CFAP61: variants seen among roughly 807,000 people sequenced by gnomAD.
CFAP61 encodes the protein cilia and flagella associated protein 61.
CFAP61 carries 107 observed loss-of-function variants against 135.6 expected under a neutral mutation model. The ratio of observed to expected loss-of-function variants is 0.79; its 90% confidence interval spans 0.67 to 0.93. The LOEUF is 0.93. Ranked by LOEUF, CFAP61 falls within the 40% of genes least tolerant of loss-of-function variation. The pLI, the probability that CFAP61 is intolerant of heterozygous loss-of-function variation, is 0.00. For synonymous variants in CFAP61, 575 were observed against 578.5 expected, an observed-to-expected ratio of 0.99 and a Z score of 0.09; for missense variants, 1,507 against 1,556.2, an observed-to-expected ratio of 0.97 and a Z score of 0.53.
At chr20:20,136,048 T>C (rs1323001905) in intron 8 of CFAP61, among the ~76,000 whole-genome samples, 1 of 152,180 alleles carries the variant, frequency 6.6e-6, no homozygotes, top group African/African-American at 2.4e-5. Context: ...ACTTTAAATA[T>C]GTTATGCCAC....
At chr20:20,216,976 G>C (rs2048083230) in intron 17 of CFAP61, among the ~76,000 whole-genome samples, 2 of 152,038 alleles carry the variant, frequency 1.3e-5, no homozygotes, top group South Asian at 4.2e-4. Flanking sequence ...TTGTATTTCA[G>C]CTTCCTTCCT....
At chr20:20,141,166 C>T (rs2051372844) in intron 8 of CFAP61, among the ~76,000 whole-genome samples, 1 of 152,134 alleles carries the variant, frequency 6.6e-6, no homozygotes, top group Non-Finnish European at 1.5e-5. Context: ...GGTGATCCAA[C>T]TCCCTTGGCC....
chr20:20,086,555 G>C (rs1263958057), intron 6 of CFAP61, among the ~76,000 whole-genome samples: 1 of 152,014 alleles, frequency 6.6e-6, no homozygotes, highest in South Asian at 2.1e-4. Flanking sequence ...AGGCTAAGTA[G>C]AGGGGCTGTG....
intron 8 of CFAP61, among the ~76,000 whole-genome samples, chr20:20,128,460 G>A (rs2050244702): frequency 6.6e-6 from 1 of 151,688 alleles, no homozygotes. Context: ...TCCAGTTTCT[G>A]CAGTGGGGGT....
intron 6 of CFAP61, among the ~76,000 whole-genome samples, chr20:20,083,514 G>GA (rs896064549): frequency 3.3e-5 from 5 of 152,130 alleles, no homozygotes; most frequent in South Asian, 2.1e-4. Context: ...TAAAATAGAT[G>GA]AAAAAAACAT....
chr20:20,265,367 C>G lies in CFAP61; in HGVS notation c.2503+2237C>G, dbSNP rs540455616. The stretch of plus-strand genomic sequence containing the variant: ...AATTTAGAAACCCCAAAGCAAGAAG[C>G]GCTGTAGTCTCTTTCATGTGCCTTT... On this transcript the variant is annotated intron_variant, in intron 21 of 26. Transcript: ENST00000245957. 3.8e-6 allele frequency: 3 copies of G among 779,530 alleles called. No homozygotes were observed. The South Asian group carries it at 4.0e-5, about 10-fold the overall frequency. The allele number at this position is 779,530 out of a possible 1,614,324, so 48.3% of individuals were successfully genotyped here.
intron 7 of CFAP61, among the ~76,000 whole-genome samples, chr20:20,097,378 A>C (rs1008599870): frequency 5.3e-5 from 8 of 152,246 alleles, no homozygotes. Flanking sequence ...AAATCTACTA[A>C]TAATTATTTT....
At chr20:20,131,169 A>T (rs1176991052) in intron 8 of CFAP61, among the ~76,000 whole-genome samples, 1 of 151,436 alleles carries the variant, frequency 6.6e-6, no homozygotes, top group East Asian at 1.9e-4. Flanking sequence ...TCTTTCTCAT[A>T]TTTGAGTTCT....
intron 9 of CFAP61, 62 bp from the exon 10 acceptor site, chr20:20,159,307 GC>G (rs11475376): frequency 0.91 from 1,389,410 of 1,520,340 alleles, 643,119 homozygotes; most frequent in Middle Eastern, 0.97. Context: ...TTGCTCCAGA[GC>G]TTGGACTCTA....
Position 20,190,858 on chromosome 20 carries a change from C to T in CFAP61, c.1513-484C>T, listed in dbSNP as rs546049470. Among the ~76,000 whole-genome samples the T allele has an allele frequency of 3.3e-5, 5 of 152,260 alleles. No individual in the cohort carries two copies. In the East Asian group the frequency reaches 5.8e-4, roughly 18 times the overall value. On this transcript the variant is annotated intron_variant, in intron 14 of 26. Transcript: ENST00000245957. Reference sequence around the variant, plus strand: ...CTGAGGCCAGGTATGGTGGCTCACGCGTGCAATCCTAGCACTCTGGGAGCC... The same window carrying T: ...CTGAGGCCAGGTATGGTGGCTCACGTGTGCAATCCTAGCACTCTGGGAGCC...
chr20:20,263,875 C>T (rs1276062668), intron 21 of CFAP61, among the ~76,000 whole-genome samples: 7 of 152,132 alleles, frequency 4.6e-5, no homozygotes, highest in Non-Finnish European at 1.0e-4. Context: ...CCACAGCCAC[C>T]TGTGGTTTAG....
Position 20,135,796 on chromosome 20 carries a change from G to C in CFAP61, c.860-7061G>C, listed in dbSNP as rs542270759. 8.7e-4 allele frequency among the ~76,000 whole-genome samples: 132 copies of C among 152,166 alleles called. 1 individual carries two copies. Among genetic ancestry groups the C allele is most frequent in the African/African-American group, 3.0e-3 (126 of 41,508 alleles). ...ATACCATAATTACAGTGTTATAATA[G>C]TCTGTGCTTTTCTGTGTATTTACTG... On this transcript the variant is annotated intron_variant, in intron 8 of 26. Coordinates refer to ENST00000245957, the MANE Select transcript of CFAP61 (RefSeq NM_015585.4).
intron 20 of CFAP61, among the ~76,000 whole-genome samples, chr20:20,257,604 A>G (rs1324946852): frequency 1.4e-5 from 2 of 146,452 alleles, no homozygotes; most frequent in East Asian, 4.0e-4. Context: ...ACAGAGCAAG[A>G]CTGTCTCAAA....
intron 18 of CFAP61, among the ~76,000 whole-genome samples, chr20:20,240,103 G>C (rs1309167696): frequency 6.6e-6 from 1 of 152,116 alleles, no homozygotes; most frequent in Non-Finnish European, 1.5e-5. Flanking sequence ...CAAGAGCTTT[G>C]TTTGGGCACA....
intron 2 of CFAP61, among the ~76,000 whole-genome samples, chr20:20,060,689 C>T (rs1254580164): frequency 2.6e-5 from 4 of 152,182 alleles, no homozygotes; most frequent in East Asian, 1.9e-4. Context: ...AATCATGGCT[C>T]GCCTTATGCA....
intron 20 of CFAP61, among the ~76,000 whole-genome samples, chr20:20,252,762 A>G (rs1001780752): frequency 3.2e-4 from 49 of 152,364 alleles, no homozygotes; most frequent in African/African-American, 1.2e-3. Flanking sequence ...GAGGCAGCGC[A>G]TGAAGGAGAC....
chr20:20,070,385 T>C (rs905504308), intron 2 of CFAP61, among the ~76,000 whole-genome samples: 10 of 152,300 alleles, frequency 6.6e-5, no homozygotes, highest in African/African-American at 2.2e-4. Context: ...CTGCTGTTCA[T>C]AGGTGACCCA....
chr20:20,360,362 C>CTATA lies in CFAP61; in HGVS notation c.3667_3670dup (p.Asn1224IlefsTer2). 6.2e-7 allele frequency: 1 copy of CTATA among 1,613,916 alleles called. No individual in the cohort carries two copies. On this transcript the variant is annotated frameshift_variant, in exon 27 of 27. Coordinates refer to ENST00000245957, the MANE Select transcript of CFAP61 (RefSeq NM_015585.4). LOFTEE classifies it high-confidence loss of function. ...AGAGAAGCACTCTTGACTACCTGCA[C>CTATA]TATAACCGCTACCACCTGCCCATGT... is the stretch of plus-strand genomic sequence containing the variant.
chr20:20,253,566 T>G (rs2051187226), intron 20 of CFAP61: 1 of 492,716 alleles, frequency 2.0e-6, no homozygotes, highest in Admixed American at 2.0e-5. Flanking sequence ...CTCTGCATTT[T>G]TAAGCATGTG....
Sources: allele counts gnomAD v4.1 joint callset (sites outside exome capture counted in the v4.1 genomes callset), GRCh38; gene constraint gnomAD v4.1.1; transcripts MANE v1.5; gene names NCBI Gene and HGNC (gene_info 2026-07-23, HGNC 2026-07-21).